The following PCDH15 variants were observed in gnomAD, a reference collection of about 807,000 sequenced individuals.
PCDH15 encodes protocadherin related 15, also known as protocadherin-15.
A neutral mutation model predicts 178.5 loss-of-function variants in PCDH15; 129 were observed. The observed-to-expected ratio is 0.72, with a 90% confidence interval of 0.63 to 0.84. PCDH15 has a LOEUF of 0.84. Among genes scored for constraint, PCDH15 ranks in the 40% least tolerant of loss-of-function variants. The pLI is 0.00. For missense variants in PCDH15, 2,230 were observed against 2,099.9 expected (o/e 1.06, Z -1.21); for synonymous variants, 800 against 732.0 (o/e 1.09, Z -1.50).
chr10:55,439,650 T>C (rs1470955582), intron 2 of PCDH15, among the ~76,000 whole-genome samples: 1 of 151,540 alleles, frequency 6.6e-6, no homozygotes, highest in Non-Finnish European at 1.5e-5. Context: ...CTTAATATGG[T>C]GACAAAATAG....
At chr10:54,725,247 C>A (rs1347512412) in intron 1 of PCDH15, among the ~76,000 whole-genome samples, 1 of 150,874 alleles carries the variant, frequency 6.6e-6, no homozygotes. Context: ...AAAATATTTA[C>A]ATTATAGTCA....
intron 2 of PCDH15, among the ~76,000 whole-genome samples, chr10:55,451,909 C>T (rs545408591): frequency 2.0e-5 from 3 of 152,266 alleles, no homozygotes; most frequent in African/African-American, 7.2e-5. Flanking sequence ...TCTCTGTTCT[C>T]TATTTTGAAA....
intron 1 of PCDH15, among the ~76,000 whole-genome samples, chr10:54,699,124 T>C (rs115680599): frequency 0.02 from 3,014 of 152,230 alleles, 89 homozygotes; most frequent in African/African-American, 0.067. Flanking sequence ...ATAATGGCAT[T>C]CTAACAAAGG....
At chr10:53,969,846 C>T (rs985682114) in intron 21 of PCDH15, among the ~76,000 whole-genome samples, 5 of 152,124 alleles carry the variant, frequency 3.3e-5, no homozygotes, top group Non-Finnish European at 7.4e-5. Flanking sequence ...CTTACAAGAG[C>T]TCCTAAAAGG....
At chr10:55,166,481 C>T (rs1839201286) in intron 2 of PCDH15, 1 of 152,136 alleles carries the variant, frequency 6.6e-6, no homozygotes, top group African/African-American at 2.4e-5. Flanking sequence ...ATTCCATACA[C>T]AGTTCTTGAA....
At chr10:54,204,856 G>A (rs576050482) in intron 10 of PCDH15, among the ~76,000 whole-genome samples, 3 of 152,180 alleles carry the variant, frequency 2.0e-5, no homozygotes, top group Admixed American at 6.5e-5. Flanking sequence ...TTCCCACTAA[G>A]TGTTTCCCAA....
chr10:55,568,618 G>C (rs1032278181), intron 2 of PCDH15, among the ~76,000 whole-genome samples: 1 of 151,866 alleles, frequency 6.6e-6, no homozygotes, highest in African/African-American at 2.4e-5. Flanking sequence ...TATGAGTTTG[G>C]CTTTGAACAA....
intron 2 of PCDH15, among the ~76,000 whole-genome samples, chr10:55,483,323 ACT>A (rs1840224396): frequency 6.6e-6 from 1 of 151,778 alleles, no homozygotes; most frequent in African/African-American, 2.4e-5. Flanking sequence ...ACATAAACAG[ACT>A]CTTCAAAAGG....
chr10:54,293,013 T>C (rs146672383), intron 8 of PCDH15, among the ~76,000 whole-genome samples: 2,507 of 152,044 alleles, frequency 0.016, 75 homozygotes, highest in African/African-American at 0.057. Flanking sequence ...GCCAAGACAA[T>C]CCTAAGCAAA....
At chr10:55,380,578 T>C (rs764539419) in intron 2 of PCDH15, among the ~76,000 whole-genome samples, 3 of 152,138 alleles carry the variant, frequency 2.0e-5, no homozygotes, top group Non-Finnish European at 4.4e-5. Flanking sequence ...GCTAGTGGCC[T>C]CTTCCAAAAG....
At chr10:55,074,270 TC>T (rs1841825745) in intron 2 of PCDH15, among the ~76,000 whole-genome samples, 1 of 152,130 alleles carries the variant, frequency 6.6e-6, no homozygotes, top group Non-Finnish European at 1.5e-5. Context: ...TGGTTCTAGG[TC>T]TTTGAGGAAT....
chr10:55,015,843 T>C (rs191447274), intron 2 of PCDH15, among the ~76,000 whole-genome samples: 1 of 152,164 alleles, frequency 6.6e-6, no homozygotes, highest in Non-Finnish European at 1.5e-5. Flanking sequence ...CTGTGCACAC[T>C]GCAACCCCTC....
chr10:54,913,997 C>T (rs1954862046), intron 2 of PCDH15, among the ~76,000 whole-genome samples: 1 of 152,074 alleles, frequency 6.6e-6, no homozygotes, highest in South Asian at 2.1e-4. Context: ...GTTGCCTTGT[C>T]TCATATGAGA....
chr10:55,488,975 CA>C (rs936049229), intron 2 of PCDH15, among the ~76,000 whole-genome samples: 27 of 149,942 alleles, frequency 1.8e-4, no homozygotes, highest in African/African-American at 5.4e-4. Context: ...TTAGTACCAC[CA>C]AAAAAAAGGT....
chr10:53,868,485 T>A (rs1271375473), intron 26 of PCDH15, among the ~76,000 whole-genome samples: 1 of 152,162 alleles, frequency 6.6e-6, no homozygotes, highest in Non-Finnish European at 1.5e-5. Flanking sequence ...TAACCAGCTC[T>A]GTCTTATGCA....
intron 1 of PCDH15, among the ~76,000 whole-genome samples, chr10:54,745,826 G>C (rs2132881910): frequency 6.6e-6 from 1 of 152,042 alleles, no homozygotes; most frequent in African/African-American, 2.4e-5. Flanking sequence ...CAAATGTCTG[G>C]GAATTTTAAT....
intron 2 of PCDH15, among the ~76,000 whole-genome samples, chr10:55,364,417 T>C (rs1433696314): frequency 6.6e-6 from 1 of 152,186 alleles, no homozygotes; most frequent in Non-Finnish European, 1.5e-5. Context: ...CTGGTTTCCA[T>C]GGTTTCTTCT....
At chr10:55,571,720 T>C (rs756379664) in intron 2 of PCDH15, among the ~76,000 whole-genome samples, 2 of 152,112 alleles carry the variant, frequency 1.3e-5, no homozygotes, top group Non-Finnish European at 2.9e-5. Context: ...CTGCATAATC[T>C]GAAATATAAA....
intron 2 of PCDH15, among the ~76,000 whole-genome samples, chr10:55,085,747 TTTAGAAGTAGTTACAGATGAAAAG>T (rs1245176584): frequency 3.3e-5 from 5 of 151,884 alleles, no homozygotes; most frequent in Non-Finnish European, 7.4e-5. Context: ...TCTGAGCAAG[TTTAGAAGTAGTTACAGATGAAAAG>T]TCCTTTTCCT....
Sources: allele counts gnomAD v4.1 joint callset (sites outside exome capture counted in the v4.1 genomes callset), GRCh38; gene constraint gnomAD v4.1.1; transcripts MANE v1.5; gene names NCBI Gene and HGNC (gene_info 2026-07-23, HGNC 2026-07-21).